SPATA32: variants seen among roughly 807,000 people sequenced by gnomAD.
The protein encoded by SPATA32 is spermatogenesis associated 32, also known as spermatogenesis-associated protein 32.
In SPATA32, 28 loss-of-function variants were observed where a neutral mutation model predicts 35.4. That is an observed-to-expected ratio of 0.79 (90% CI 0.59 to 1.09). The LOEUF is 1.09. Among genes scored for constraint, SPATA32 ranks in the 50% least tolerant of loss-of-function variants. The probability of loss-of-function intolerance (pLI) is 0.00; values close to 1 mark genes in which losing one functional copy is unlikely to be tolerated. For synonymous variants in SPATA32, 168 were observed against 196.3 expected (o/e 0.86, Z 1.20); for missense variants, 409 against 475.9 (o/e 0.86, Z 1.31).
chr17:45,256,166 C>T lies in SPATA32; in HGVS notation c.109-93G>A, dbSNP rs545789378. On this transcript the variant is annotated intron_variant, in intron 3 of 4. Coordinates refer to ENST00000331780, the MANE Select transcript of SPATA32 (RefSeq NM_152343.3). The surrounding 1 kb of genome is among the most constrained non-coding windows in gnomAD (Gnocchi z 4.7). Reference sequence around the variant, plus strand: ...CACCGAGTCCCTGCCCCACCCCTGCCCTGGGTCCTGCTGTCTTCCCCCCGC... The same window carrying T: ...CACCGAGTCCCTGCCCCACCCCTGCTCTGGGTCCTGCTGTCTTCCCCCCGC... 4.4e-4 allele frequency: 619 copies of T among 1,422,978 alleles called. 2 individuals carry two copies. The South Asian group carries it at 4.5e-3, about 10-fold the overall frequency. 88.1% of individuals were successfully genotyped at this position (1,422,978 alleles called of 1,614,324 possible).
intron 4 of SPATA32, among the ~76,000 whole-genome samples, chr17:45,254,848 C>A (rs747216982): frequency 6.6e-6 from 1 of 152,188 alleles, no homozygotes; most frequent in Non-Finnish European, 1.5e-5. Context: ...CCAGTGTGGT[C>A]CTTCCCATTT....
chr17:45,256,023 G>T lies in SPATA32; in HGVS notation c.159C>A (p.Asp53Glu). 1 of 1,613,286 alleles carries T rather than the reference G, an allele frequency of 6.2e-7. No individual in the cohort carries two copies. The highest frequency in any genetic ancestry group is 2.2e-5 in the East Asian group (1 of 44,868). Residue 53 changes from aspartate to glutamate, a missense_variant, in exon 4 of 5, where the codon GAC becomes GAA. Physicochemically the swap from Asp to Glu is conservative, Grantham distance 45. Coordinates refer to ENST00000331780, the MANE Select transcript of SPATA32 (RefSeq NM_152343.3). This position sits in a 1 kb window ranked among gnomAD's most constrained non-coding sequence, Gnocchi z 4.7. ...GGTCTGGGTCTGGGTCTGGGTCCAG[G>T]TCCAGGTCCACTTGGAGTTGGGGCT... ...EQKPQLQVDLDLDPDPDPDPE... is the reference protein window; with the variant it reads ...EQKPQLQVDLELDPDPDPDPE...
Position 45,255,348 on chromosome 17 carries a change from C to T in SPATA32, c.834G>A (p.Glu278=). The change falls in exon 4 of 5, where the codon GAG becomes GAA. Residue 278 remains glutamate (E), a synonymous_variant. Transcript: ENST00000331780. This position sits in a 1 kb window ranked among gnomAD's most constrained non-coding sequence, Gnocchi z 5.4. ...PPQEALEPST[E]PLLTTVEERE... is the part of the protein sequence containing the mutation. ...GCTCCTCCACAGTGGTCAGGAGGGG[C>T]TCTGTGGAAGGCTCCAGAGCCTCCT... The T allele has an allele frequency of 2.5e-6, 4 of 1,614,194 alleles. No individual in the cohort carries two copies. Among genetic ancestry groups the T allele is most frequent in the Non-Finnish European group, 3.4e-6 (4 of 1,180,022 alleles).
chr17:45,256,539 C>A lies in SPATA32; in HGVS notation c.69-124G>T. 1 of 778,692 alleles carries A rather than the reference C, an allele frequency of 1.3e-6. No individual in the cohort carries two copies. The highest frequency in any genetic ancestry group is 1.4e-5 in the South Asian group (1 of 69,422). The allele number at this position is 778,692 out of a possible 1,614,324, so 48.2% of individuals were successfully genotyped here. On this transcript the variant is annotated intron_variant, in intron 2 of 4. Transcript: ENST00000331780. The surrounding 1 kb of genome is among the most constrained non-coding windows in gnomAD (Gnocchi z 4.7). ...GCTGGCACGATGCACCTCCCGCCGA[C>A]CACCCCGCCACCAGCTCATCCACTC...
chr17:45,255,901 TTCGAG>T lies in SPATA32; in HGVS notation c.276_280del (p.Asn92LysfsTer5). The T allele has an allele frequency of 6.2e-7, 1 of 1,614,160 alleles. No individual in the cohort carries two copies. Among genetic ancestry groups the T allele is most frequent in the Non-Finnish European group, 8.5e-7 (1 of 1,180,014 alleles). On this transcript the variant is annotated frameshift_variant, in exon 4 of 5. Coordinates refer to ENST00000331780, the MANE Select transcript of SPATA32 (RefSeq NM_152343.3). LOFTEE classifies it high-confidence loss of function. This position sits in a 1 kb window ranked among gnomAD's most constrained non-coding sequence, Gnocchi z 5.4. ...GGGTTCTTCAAAGTCAGACTCCTCG[TTCGAG>T]TTGGCTTCCGTGTCCAGCTCAGCTT...
chr17:45,261,095 GTTTTTTTTT>G (rs386386165), intron 1 of SPATA32: 1 of 92,770 alleles, frequency 1.1e-5, no homozygotes, highest in Non-Finnish European at 2.3e-5. Context: ...CCGACCTCTG[GTTTTTTTTT>G]TTTTTTTTTT....
intron 1 of SPATA32, chr17:45,261,109 T>TTTTG (rs2044003013): frequency 2.0e-5 from 3 of 151,380 alleles, no homozygotes; most frequent in African/African-American, 7.3e-5. Context: ...TTTTTTTTTT[T>TTTTG]TTTTTGACAG....
At position 45,256,606 on chromosome 17, in the gene SPATA32, G is replaced by A. The variant is rs2043960661; in HGVS notation, c.69-191C>T. 6.6e-6 allele frequency among the ~76,000 whole-genome samples: 1 copy of A among 152,026 alleles called. No homozygotes were observed. The highest frequency in any genetic ancestry group is 1.5e-5 in the Non-Finnish European group (1 of 68,030). On this transcript the variant is annotated intron_variant, in intron 2 of 4. Coordinates refer to ENST00000331780, the MANE Select transcript of SPATA32 (RefSeq NM_152343.3). This position sits in a 1 kb window ranked among gnomAD's most constrained non-coding sequence, Gnocchi z 4.7. ...CACTGCCACCAGGAAGTCTGCGGTT[G>A]TATTCTGAAACTTTAGTGAGTTTAG...
Position 45,255,190 on chromosome 17 carries a change from C to T in SPATA32, c.992G>A (p.Arg331Lys), listed in dbSNP as rs1312260958. 3 of 1,614,094 alleles carry T rather than the reference C, an allele frequency of 1.9e-6. No homozygotes were observed. The Admixed American group carries it at 5.0e-5, about 27-fold the overall frequency. ...CTGGATTTGCCCTTTGATGGTGGCCCTCTTGATCCCCGGCTTGCTGAAGTC... is the reference window on the plus strand; with the variant it reads ...CTGGATTTGCCCTTTGATGGTGGCCTTCTTGATCCCCGGCTTGCTGAAGTC... The part of the protein sequence containing the change: ...YFDFSKPGIK[R>K]ATIKGQIQLL... Residue 331 changes from arginine to lysine, a missense_variant, in exon 4 of 5, where the codon AGG becomes AAG. Physicochemically the swap from Arg to Lys is conservative, Grantham distance 26 (BLOSUM62 2). Transcript: ENST00000331780. The surrounding 1 kb of genome is among the most constrained non-coding windows in gnomAD (Gnocchi z 5.4).
At chr17:45,259,463 C>T (rs900538193) in intron 1 of SPATA32, among the ~76,000 whole-genome samples, 1 of 152,076 alleles carries the variant, frequency 6.6e-6, no homozygotes, top group Non-Finnish European at 1.5e-5. Context: ...AATACATTAA[C>T]ATATGAGTAA....
chr17:45,254,541 T>G, intron 4 of SPATA32, 28 bp from the exon 5 acceptor site: 5 of 1,611,612 alleles, frequency 3.1e-6, no homozygotes, highest in Non-Finnish European at 1.7e-6. Context: ...GAGTGTCACT[T>G]GGGCCCCAGA....
chr17:45,255,455 T>A lies in SPATA32; in HGVS notation c.727A>T (p.Thr243Ser). ...GCCATGGCCAGGGAAGATGCAAAGG[T>A]GATTAGCTCTGTCAGGTCAATGGGT... is the stretch of plus-strand genomic sequence containing the variant. The part of the protein sequence containing the change: ...PPPIDLTELI[T>S]FASSLAMASS... The change falls in exon 4 of 5, where the codon ACC (threonine) becomes TCC (serine). Residue 243 changes from threonine to serine, a missense_variant. Transcript: ENST00000331780. The surrounding 1 kb of genome is among the most constrained non-coding windows in gnomAD (Gnocchi z 5.4). 1.2e-6 allele frequency: 2 copies of A among 1,613,804 alleles called. No homozygotes were observed. The highest frequency in any genetic ancestry group is 1.7e-6 in the Non-Finnish European group (2 of 1,179,940).
At position 45,256,459 on chromosome 17, in the gene SPATA32, C is replaced by A. The variant is rs1371833075; in HGVS notation, c.69-44G>T. 1 of 1,575,410 alleles carries A rather than the reference C, an allele frequency of 6.3e-7. No homozygotes were observed. The highest frequency in any genetic ancestry group is 1.3e-5 in the African/African-American group (1 of 74,416). ...GAGTGGGTGATGGGGATCTGTGGGGCTTCAGCGGGAAGGGGGTTTCTGGGG... is the reference window on the plus strand; with the variant it reads ...GAGTGGGTGATGGGGATCTGTGGGGATTCAGCGGGAAGGGGGTTTCTGGGG... On this transcript the variant is annotated intron_variant, in intron 2 of 4. Transcript: ENST00000331780. The surrounding 1 kb of genome is among the most constrained non-coding windows in gnomAD (Gnocchi z 4.7).
At position 45,256,301 on chromosome 17, in the gene SPATA32, G is replaced by C; in HGVS notation, c.108+75C>G. 2 of 1,466,086 alleles carry C rather than the reference G, an allele frequency of 1.4e-6. No individual in the cohort carries two copies. The highest frequency in any genetic ancestry group is 1.9e-6 in the Non-Finnish European group (2 of 1,045,140). The allele number at this position is 1,466,086 out of a possible 1,614,324, so 90.8% of individuals were successfully genotyped here. ...AGGGTCCCAGGATTGTCAAGGGTAG[G>C]GGCTGGTGGGGACTTAGGGAAGAGC... On this transcript the variant is annotated intron_variant, in intron 3 of 4. Transcript: ENST00000331780. This position sits in a 1 kb window ranked among gnomAD's most constrained non-coding sequence, Gnocchi z 4.7.
rs759687011 is a variant in SPATA32 at position 45,255,639 on chromosome 17, A to G, written c.543T>C (p.Asn181=). The G allele has an allele frequency of 1.9e-5, 31 of 1,613,816 alleles. No homozygotes were observed. The highest frequency in any genetic ancestry group is 1.1e-5 in the South Asian group (1 of 91,080). ...LQRAINMQLN[N]GSAGQPIRSP... ...ATCTGATGGGCTGGCCTGCGCTGCC[A>G]TTGTTGAGCTGCATGTTGATGGCCC... is the stretch of plus-strand genomic sequence containing the variant. Residue 181 remains asparagine, a synonymous_variant, in exon 4 of 5, where the codon AAT becomes AAC. Coordinates refer to ENST00000331780, the MANE Select transcript of SPATA32 (RefSeq NM_152343.3). This position sits in a 1 kb window ranked among gnomAD's most constrained non-coding sequence, Gnocchi z 5.4.
chr17:45,256,946 T>A lies in SPATA32; in HGVS notation c.68+207A>T, dbSNP rs1315596470. ...CCACCACCCCTCAGTCTTCCTCTCA[T>A]GCCAGGGGCTGAGGGCATAAACAGA... On this transcript the variant is annotated intron_variant, in intron 2 of 4. Transcript: ENST00000331780. This position sits in a 1 kb window ranked among gnomAD's most constrained non-coding sequence, Gnocchi z 4.7. Among the ~76,000 whole-genome samples the A allele has an allele frequency of 6.6e-6, 1 of 152,190 alleles. No individual in the cohort carries two copies. The highest frequency in any genetic ancestry group is 1.5e-5 in the Non-Finnish European group (1 of 68,034).
chr17:45,261,907 G>T, intron 1 of SPATA32, 97 bp downstream of exon 1: 1 of 1,229,770 alleles, frequency 8.1e-7, no homozygotes, highest in East Asian at 3.0e-5. Context: ...CGGGCCCTGG[G>T]CGGATTCCTG....
chr17:45,257,352 G>A lies in SPATA32; in HGVS notation c.14-145C>T, dbSNP rs2043967938. 7.7e-6 allele frequency: 7 copies of A among 907,980 alleles called. No homozygotes were observed. In the South Asian group the frequency reaches 9.1e-5, roughly 12 times the overall value. 56.2% of individuals were successfully genotyped at this position (907,980 alleles called of 1,614,324 possible). On this transcript the variant is annotated intron_variant, in intron 1 of 4. Coordinates refer to ENST00000331780, the MANE Select transcript of SPATA32 (RefSeq NM_152343.3). ...CTCACCGTCCTGCCCCGCTCTCCTT[G>A]TTCCCGAGCCGGTCGCCATTCCTAT...
rs2044016429 is a variant in SPATA32 at position 45,262,090 on chromosome 17, T to C, written c.-74A>G. On this transcript the variant is annotated 5_prime_UTR_variant, in exon 1 of 5. Coordinates refer to ENST00000331780, the MANE Select transcript of SPATA32 (RefSeq NM_152343.3). ...GCCTCTCCGCCTCCAGTGTGCTCTT[T>C]GGCTGAGGGACTGGTGGGCGCTGGA... The C allele has an allele frequency of 1.5e-6, 2 of 1,306,304 alleles. No homozygotes were observed. The highest frequency in any genetic ancestry group is 2.0e-6 in the Non-Finnish European group (2 of 1,017,948). 80.9% of individuals were successfully genotyped at this position (1,306,304 alleles called of 1,614,324 possible).
Sources: allele counts gnomAD v4.1 joint callset (sites outside exome capture counted in the v4.1 genomes callset), GRCh38; gene constraint gnomAD v4.1.1; non-coding constraint Gnocchi (gnomAD v3.1); transcripts MANE v1.5; gene names NCBI Gene and HGNC (gene_info 2026-07-23, HGNC 2026-07-21).